Variants in RPH3A observed in about 807,000 individuals in gnomAD.
RPH3A encodes rabphilin-3A.
A neutral mutation model predicts 102.2 loss-of-function variants in RPH3A; 48 were observed. The ratio of observed to expected loss-of-function variants is 0.47; its 90% confidence interval spans 0.37 to 0.60. The LOEUF (loss-of-function observed/expected upper bound fraction) is 0.60, where lower values mean the gene tolerates loss of function less well. RPH3A is among the 20% of genes least tolerant of loss of function. The pLI is 0.00. For missense variants in RPH3A, 781 were observed against 910.1 expected (o/e 0.86, Z 1.83); for synonymous variants, 310 against 324.3 (o/e 0.96, Z 0.47).
chr12:112,609,227 A>G (rs1160854696), intron 1 of RPH3A, among the ~76,000 whole-genome samples: 7 of 152,170 alleles, frequency 4.6e-5, no homozygotes, highest in African/African-American at 7.2e-5. Context: ...GCACGCCACC[A>G]TGTCTGAGTA....
intron 5 of RPH3A, among the ~76,000 whole-genome samples, chr12:112,863,100 G>C (rs2042549790): frequency 6.6e-6 from 1 of 152,202 alleles, no homozygotes; most frequent in Non-Finnish European, 1.5e-5. Flanking sequence ...AAAACCCGAA[G>C]TGGAAACAGG....
intron 1 of RPH3A, among the ~76,000 whole-genome samples, chr12:112,782,121 G>A (rs1340236351): frequency 6.6e-6 from 1 of 152,250 alleles, no homozygotes; most frequent in Non-Finnish European, 1.5e-5. Flanking sequence ...CAGATACTCT[G>A]TTCCTGTCCC....
At chr12:112,656,227 G>T (rs931527417) in intron 1 of RPH3A, among the ~76,000 whole-genome samples, 2 of 152,174 alleles carry the variant, frequency 1.3e-5, no homozygotes, top group African/African-American at 4.8e-5. Context: ...GATTCAGGGG[G>T]CACATGTGCA....
chr12:112,661,122 T>C (rs1300323627), intron 1 of RPH3A, among the ~76,000 whole-genome samples: 1 of 152,112 alleles, frequency 6.6e-6, no homozygotes, highest in African/African-American at 2.4e-5. Context: ...ATGTATGGAA[T>C]GCGTCATCTA....
chr12:112,768,099 A>T (rs748637249), intron 1 of RPH3A, among the ~76,000 whole-genome samples: 3 of 152,204 alleles, frequency 2.0e-5, no homozygotes, highest in Non-Finnish European at 4.4e-5. Context: ...TAAAATGATG[A>T]ATGTTATGGT....
chr12:112,713,838 A>T lies in RPH3A; in HGVS notation c.-139-78305A>T, dbSNP rs117986952. On this transcript the variant is annotated intron_variant, in intron 1 of 21. Coordinates refer to the RPH3A transcript ENST00000543106. Reference sequence around the variant, plus strand: ...TTTGTTTCGAATTAGTTATTGTTACAGGAGGGGAAGGAGGCTTGGATGAGA... The same window carrying T: ...TTTGTTTCGAATTAGTTATTGTTACTGGAGGGGAAGGAGGCTTGGATGAGA... 5.8e-3 allele frequency among the ~76,000 whole-genome samples: 883 copies of T among 152,358 alleles called. 8 individuals carry two copies. Among genetic ancestry groups the T allele is most frequent in the South Asian group, 0.017 (82 of 4,830 alleles).
chr12:112,889,910 C>T, intron 17 of RPH3A, 114 bp from the exon 18 acceptor site: 1 of 936,416 alleles, frequency 1.1e-6, no homozygotes, highest in Admixed American at 1.9e-5. Context: ...AGCTTAAGAA[C>T]CCACTTTCAT....
chr12:112,823,646 G>A (rs2041819362), intron 2 of RPH3A, among the ~76,000 whole-genome samples: 1 of 152,176 alleles, frequency 6.6e-6, no homozygotes, highest in South Asian at 2.1e-4. Context: ...TACTATTTAT[G>A]TGACACTTAC....
chr12:112,658,841 C>A (rs183040571), intron 1 of RPH3A, among the ~76,000 whole-genome samples: 170 of 152,248 alleles, frequency 1.1e-3, no homozygotes, highest in African/African-American at 3.8e-3. Context: ...GCCCAGATTG[C>A]CAGATTAATT....
intron 1 of RPH3A, among the ~76,000 whole-genome samples, chr12:112,737,326 T>C (rs1023687267): frequency 6.6e-6 from 1 of 152,266 alleles, no homozygotes; most frequent in Middle Eastern, 3.4e-3. Flanking sequence ...TCACTTAGCC[T>C]CAGTTTCCCC....
At chr12:112,585,201 A>C (rs1247888654) in intron 1 of RPH3A, among the ~76,000 whole-genome samples, 2 of 152,136 alleles carry the variant, frequency 1.3e-5, no homozygotes, top group Admixed American at 6.5e-5. Context: ...TGGGCAGCTG[A>C]TTAGATGGTG....
rs117549087 is a variant in RPH3A, at chr12:112,756,056, T to C, written c.-139-36087T>C. 1.4e-4 allele frequency among the ~76,000 whole-genome samples: 21 copies of C among 152,276 alleles called. No individual in the cohort carries two copies. In the East Asian group the frequency reaches 3.3e-3, roughly 24 times the overall value. On this transcript the variant is annotated intron_variant, in intron 1 of 21. Coordinates refer to the RPH3A transcript ENST00000543106. The stretch of plus-strand genomic sequence containing the variant: ...AGAAATATGGGGTGACTATAATTAA[T>C]AACAATTTATTGTATAGTCTCAAAT...
intron 1 of RPH3A, among the ~76,000 whole-genome samples, chr12:112,612,745 C>CT (rs897547064): frequency 4.3e-4 from 63 of 145,828 alleles, no homozygotes; most frequent in South Asian, 1.3e-3. Context: ...TTGTATTTTT[C>CT]TTTTTTTTTT....
intron 1 of RPH3A, among the ~76,000 whole-genome samples, chr12:112,612,799 C>T (rs1186894200): frequency 6.6e-6 from 1 of 151,620 alleles, no homozygotes; most frequent in Non-Finnish European, 1.5e-5. Context: ...TGGTTTTGAA[C>T]TCCTGGGCTC....
chr12:112,727,000 G>T (rs551658523), intron 1 of RPH3A, among the ~76,000 whole-genome samples: 1 of 152,128 alleles, frequency 6.6e-6, no homozygotes, highest in East Asian at 1.9e-4. Flanking sequence ...TGAAGCTGGG[G>T]CGACAGAGCC....
intron 5 of RPH3A, among the ~76,000 whole-genome samples, chr12:112,855,599 G>A (rs533310147): frequency 3.2e-4 from 49 of 152,200 alleles, no homozygotes; most frequent in Non-Finnish European, 4.0e-4. Flanking sequence ...ACAACAGGGA[G>A]AATTAATGAG....
intron 1 of RPH3A, among the ~76,000 whole-genome samples, chr12:112,710,550 G>A (rs1464646045): frequency 6.6e-6 from 1 of 152,150 alleles, no homozygotes; most frequent in East Asian, 1.9e-4. Flanking sequence ...AATCATATTT[G>A]TAGTGTTGTG....
intron 2 of RPH3A, among the ~76,000 whole-genome samples, chr12:112,807,300 G>T (rs1424852435): frequency 6.6e-6 from 1 of 152,098 alleles, no homozygotes. Flanking sequence ...TGCATTTACA[G>T]GCTGAGCCCT....
chr12:112,819,589 A>G (rs2041741017), intron 2 of RPH3A, among the ~76,000 whole-genome samples: 3 of 152,192 alleles, frequency 2.0e-5, no homozygotes, highest in Admixed American at 1.3e-4. Flanking sequence ...CCCACAAAAT[A>G]GTGGCTTAGA....
Sources: allele counts gnomAD v4.1 joint callset (sites outside exome capture counted in the v4.1 genomes callset), GRCh38; gene constraint gnomAD v4.1.1; transcripts MANE v1.5; gene names NCBI Gene and HGNC (gene_info 2026-07-23, HGNC 2026-07-21).